EIF4A2: variants seen among roughly 807,000 people sequenced by gnomAD.
The protein encoded by EIF4A2 is eukaryotic translation initiation factor 4A2, also known as eukaryotic initiation factor 4A-II.
EIF4A2 carries 9 observed loss-of-function variants against 50.6 expected under a neutral mutation model. The observed-to-expected ratio is 0.18, with a 90% CI of 0.11 to 0.31. The LOEUF (loss-of-function observed/expected upper bound fraction) is 0.31, where lower values mean the gene tolerates loss of function less well. EIF4A2 is among the 10% of genes least tolerant of loss of function. EIF4A2 has a pLI of 1.00. For missense variants in EIF4A2, 182 were observed against 501.8 expected (o/e 0.36, Z 6.09); for synonymous variants, 215 against 164.4 (o/e 1.31, Z -2.35).
intron 10 of EIF4A2, 62 bp downstream of exon 10, chr3:186,787,944 T>C: frequency 1.3e-6 from 2 of 1,522,266 alleles, no homozygotes; most frequent in Non-Finnish European, 1.8e-6. Context: ...CTGTGATTTG[T>C]ATGAAAGGTA....
chr3:186,788,509 G>C, intron 10 of EIF4A2: 1 of 1,079,160 alleles, frequency 9.3e-7, no homozygotes, highest in Non-Finnish European at 1.2e-6. Context: ...ATTTCTATTA[G>C]GGAACCTTTC....
chr3:186,787,591 C>T lies in EIF4A2; in HGVS notation c.999+7C>T. The T allele has an allele frequency of 3.1e-6, 5 of 1,613,920 alleles. No individual in the cohort carries two copies. Among genetic ancestry groups the T allele is most frequent in the Non-Finnish European group, 4.2e-6 (5 of 1,179,900 alleles). ...GATCACTACTGACTTGTTGGTAAGT[C>T]TCTTAATGCTTTTTAAAAATCTACC... On this transcript the variant is annotated splice_region_variant and intron_variant, in intron 9 of 10. Transcript: ENST00000323963.
chr3:186,788,520 T>TTA, intron 10 of EIF4A2: 1 of 996,218 alleles, frequency 1.0e-6, no homozygotes, highest in Non-Finnish European at 1.3e-6. Context: ...GGAACCTTTC[T>TTA]TATTAGGTGG....
chr3:186,788,361 G>A (rs191748680), intron 10 of EIF4A2: 19 of 1,289,770 alleles, frequency 1.5e-5, no homozygotes, highest in Admixed American at 9.2e-5. Flanking sequence ...CGGCGTTGAC[G>A]TAATTTAGGA....
intron 2 of EIF4A2, 26 bp from the exon 3 acceptor site, chr3:186,784,538 C>T (rs1291962148): frequency 3.1e-6 from 5 of 1,614,036 alleles, no homozygotes; most frequent in African/African-American, 2.7e-5. Flanking sequence ...CTCATTTATG[C>T]GTGCATTATT....
chr3:186,786,066 T>C lies in EIF4A2; in HGVS notation c.517+15T>C, dbSNP rs1721682101. On this transcript the variant is annotated intron_variant, in intron 5 of 10. Transcript: ENST00000323963. Reference sequence around the variant, plus strand: ...AAGATACCTTTGTAAGTATTGTCTTTAAGAGAGTATTTTTTTTAAAACTGT... The same window carrying C: ...AAGATACCTTTGTAAGTATTGTCTTCAAGAGAGTATTTTTTTTAAAACTGT... 4 of 1,601,504 alleles carry C rather than the reference T, an allele frequency of 2.5e-6. No individual in the cohort carries two copies. The highest frequency in any genetic ancestry group is 1.7e-4 in the Middle Eastern group (1 of 6,046).
intron 10 of EIF4A2, 105 bp from the exon 11 acceptor site, chr3:186,789,020 A>G: frequency 1.4e-6 from 2 of 1,467,478 alleles, no homozygotes; most frequent in African/African-American, 1.4e-5. Context: ...CACGAACTAT[A>G]ACCTTGATAA....
chr3:186,785,347 A>G (rs1721631261), intron 4 of EIF4A2: 1 of 515,658 alleles, frequency 1.9e-6, no homozygotes, highest in South Asian at 2.9e-5. Flanking sequence ...ATCTGTCCCC[A>G]TTTTTTAAGT....
Position 186,789,882 on chromosome 3 carries a change from G to GTA in EIF4A2, c.*617_*618dup, listed in dbSNP as rs1484795877. On this transcript the variant is annotated 3_prime_UTR_variant, in exon 11 of 11. Transcript: ENST00000323963. ...ATGAAGTTTGAATGTTAAATAAATT[G>GTA]TATATTCACTTTAAAGGTGCTTTTG... 9.7e-6 allele frequency: 8 copies of GTA among 826,500 alleles called. No individual in the cohort carries two copies. The highest frequency in any genetic ancestry group is 8.6e-5 in the African/African-American group (5 of 58,362). The allele number at this position is 826,500 out of a possible 1,614,324, so 51.2% of individuals were successfully genotyped here. A position where few individuals can be genotyped will look rare whatever the true frequency, so the allele number is the denominator to read the frequency against.
In EIF4A2 at chr3:186,789,706, A is replaced by T. The variant is rs1307734478; in HGVS notation, c.*437A>T. On this transcript the variant is annotated 3_prime_UTR_variant, in exon 11 of 11. Transcript: ENST00000323963. Reference sequence around the variant, plus strand: ...AAAGGCCTTTAAAATTTTTTTAGAAAGCATTTGAATGCATTTTGTTTGGTA... The same window carrying T: ...AAAGGCCTTTAAAATTTTTTTAGAATGCATTTGAATGCATTTTGTTTGGTA... The T allele has an allele frequency of 5.2e-6, 2 of 383,674 alleles. No homozygotes were observed. Among genetic ancestry groups the T allele is most frequent in the African/African-American group, 2.1e-5 (1 of 48,048 alleles). The allele number at this position is 383,674 out of a possible 1,614,324, so 23.8% of individuals were successfully genotyped here.
intron 10 of EIF4A2, chr3:186,788,895 G>A: frequency 4.0e-6 from 2 of 503,674 alleles, no homozygotes; most frequent in South Asian, 5.6e-5. Context: ...TGCTCAAGAT[G>A]CCTGATAAAA....
intron 1 of EIF4A2, chr3:186,784,121 C>A: frequency 2.0e-6 from 1 of 500,444 alleles, no homozygotes; most frequent in Admixed American, 3.6e-5. Context: ...CCTCGCCAGG[C>A]CGCTCCGCCC....
intron 1 of EIF4A2, chr3:186,784,154 A>T: frequency 1.9e-6 from 1 of 535,376 alleles, no homozygotes. Context: ...CGGCTTGCGC[A>T]TTGTTGGGGG....
At chr3:186,784,900 G>C (rs898121540) in intron 3 of EIF4A2, 62 bp from the exon 4 acceptor site, 1 of 1,612,962 alleles carries the variant, frequency 6.2e-7, no homozygotes, top group Non-Finnish European at 8.5e-7. Context: ...TGGAATACAT[G>C]GTGTGAAGTA....
At chr3:186,783,771 TTCCAG>T in intron 1 of EIF4A2, 132 bp downstream of exon 1, 1 of 1,400,476 alleles carries the variant, frequency 7.1e-7, no homozygotes, top group Non-Finnish European at 1.0e-6. Flanking sequence ...TCCTGTGCCC[TTCCAG>T]AAGCTTCCAT....
rs577099369 is a variant in EIF4A2, at chr3:186,784,676, C to T, written c.188C>T (p.Ala63Val). Reference protein sequence around the residue: ...FEKPSAIQQRAIIPCIKGYDV... With the variant: ...FEKPSAIQQRVIIPCIKGYDV... ...AAGCCTTCCGCTATTCAGCAGAGAG[C>T]TATTATTCCCTGTATTAAAGGTAAA... The change falls in exon 3 of 11, where the codon GCT (alanine) becomes GTT (valine). Residue 63 changes from alanine to valine, a missense_variant. Ala to Val is a moderately conservative substitution (Grantham distance 64). Transcript: ENST00000323963. 6.2e-7 allele frequency: 1 copy of T among 1,613,990 alleles called. No homozygotes were observed. The highest frequency in any genetic ancestry group is 8.5e-7 in the Non-Finnish European group (1 of 1,179,996).
rs982082067 is a variant in EIF4A2 at position 186,789,872 on chromosome 3, T to TA, written c.*606dup. 26 of 793,788 alleles carry TA rather than the reference T, an allele frequency of 3.3e-5. No individual in the cohort carries two copies. The African/African-American group carries it at 4.3e-4, about 13-fold the overall frequency. The allele number at this position is 793,788 out of a possible 1,614,324, so 49.2% of individuals were successfully genotyped here. ...ACATGTCTTAATGAAGTTTGAATGTTAAATAAATTGTATATTCACTTTAAA... is the reference window on the plus strand; with the variant it reads ...ACATGTCTTAATGAAGTTTGAATGTTAAAATAAATTGTATATTCACTTTAAA... On this transcript the variant is annotated 3_prime_UTR_variant, in exon 11 of 11. Transcript: ENST00000323963.
chr3:186,786,916 ACTGG>A (rs1721760030), intron 7 of EIF4A2: 3 of 853,682 alleles, frequency 3.5e-6, no homozygotes, highest in East Asian at 4.9e-5. Flanking sequence ...GGGTTATGAG[ACTGG>A]CTAAGACTGG....
chr3:186,786,952 G>A, intron 7 of EIF4A2, 175 bp from the exon 8 acceptor site: 3 of 1,035,886 alleles, frequency 2.9e-6, no homozygotes, highest in Non-Finnish European at 4.3e-6. Flanking sequence ...ATTTTGGGTA[G>A]AGACAGTTTC....
Sources: gnomAD v4.1 joint callset for allele counts on GRCh38, gnomAD v4.1.1 for gene constraint, MANE v1.5 for transcripts, NCBI Gene and HGNC (gene_info 2026-07-23, HGNC 2026-07-21) for gene names.